Variants in PHLDB2 observed in about 807,000 individuals in gnomAD.
PHLDB2 encodes the protein pleckstrin homology like domain family B member 2.
A neutral mutation model predicts 123.6 loss-of-function variants in PHLDB2; 71 were observed. The ratio of observed to expected loss-of-function variants is 0.57; its 90% CI spans 0.47 to 0.70. The LOEUF (loss-of-function observed/expected upper bound fraction) is 0.70, where lower values mean the gene tolerates loss of function less well. Ranked by LOEUF, PHLDB2 falls within the 30% of genes least tolerant of loss-of-function variation. PHLDB2 has a pLI of 0.00. For synonymous variants in PHLDB2, 547 were observed against 541.6 expected (o/e 1.01, Z -0.14); for missense variants, 1,446 against 1,519.5 (o/e 0.95, Z 0.80).
intron 1 of PHLDB2, among the ~76,000 whole-genome samples, chr3:111,878,829 G>C (rs1043775147): frequency 8.5e-5 from 13 of 152,142 alleles, no homozygotes; most frequent in African/African-American, 3.1e-4. Context: ...TTTATTATTG[G>C]TTCTGATTAT....
At chr3:111,925,443 G>A (rs556342684) in intron 5 of PHLDB2, among the ~76,000 whole-genome samples, 53 of 152,276 alleles carry the variant, frequency 3.5e-4, no homozygotes, top group African/African-American at 1.3e-3. Flanking sequence ...CCTGCCGGTT[G>A]TGTTCTCGGA....
chr3:111,886,725 C>G (rs537643930), intron 2 of PHLDB2, among the ~76,000 whole-genome samples: 1 of 152,264 alleles, frequency 6.6e-6, no homozygotes, highest in East Asian at 1.9e-4. Context: ...TGTGCATACC[C>G]TTAGAGAATT....
intron 1 of PHLDB2, among the ~76,000 whole-genome samples, chr3:111,772,896 A>G (rs1234106647): frequency 6.6e-6 from 1 of 152,128 alleles, no homozygotes; most frequent in East Asian, 1.9e-4. Flanking sequence ...GTGTATGAGG[A>G]ATGCAATTTG....
intron 1 of PHLDB2, among the ~76,000 whole-genome samples, chr3:111,834,477 C>CTCATTT (rs2063309495): frequency 6.7e-6 from 1 of 150,130 alleles, no homozygotes; most frequent in Non-Finnish European, 1.5e-5. Flanking sequence ...CTAGATTTAC[C>CTCATTT]TCATTTTCAT....
chr3:111,966,447 A>G (rs2071761347), intron 13 of PHLDB2, among the ~76,000 whole-genome samples, 166 bp from the exon 14 acceptor site: 1 of 152,044 alleles, frequency 6.6e-6, no homozygotes, highest in Non-Finnish European at 1.5e-5. Flanking sequence ...ACTCGTAAGT[A>G]ACATTCTTTA....
chr3:111,888,724 G>C (rs1256069249), intron 2 of PHLDB2, among the ~76,000 whole-genome samples: 1 of 152,056 alleles, frequency 6.6e-6, no homozygotes, highest in African/African-American at 2.4e-5. Context: ...CATTAACAGG[G>C]TGCTTGTCAT....
At chr3:111,819,999 A>G (rs912433383) in intron 1 of PHLDB2, among the ~76,000 whole-genome samples, 3 of 152,230 alleles carry the variant, frequency 2.0e-5, no homozygotes, top group African/African-American at 7.2e-5. Flanking sequence ...TAGTGTTCAC[A>G]TAGGAAGTCT....
intron 15 of PHLDB2, among the ~76,000 whole-genome samples, chr3:111,968,185 AC>A (rs1559928039): frequency 1.3e-5 from 2 of 152,110 alleles, no homozygotes; most frequent in African/African-American, 2.4e-5. Flanking sequence ...GAAAACAAAT[AC>A]AACATTTGAA....
At chr3:111,878,969 G>T (rs2065800440) in intron 1 of PHLDB2, among the ~76,000 whole-genome samples, 1 of 152,154 alleles carries the variant, frequency 6.6e-6, no homozygotes, top group Non-Finnish European at 1.5e-5. Flanking sequence ...TTTTATTGAA[G>T]ATTTTTGCAT....
intron 1 of PHLDB2, among the ~76,000 whole-genome samples, chr3:111,841,752 T>C (rs907051893): frequency 1.3e-5 from 2 of 152,104 alleles, no homozygotes; most frequent in Middle Eastern, 3.2e-3. Context: ...TTCCACAACA[T>C]TTTTATTATG....
chr3:111,846,037 G>T, intron 2 of PHLDB2: 1 of 1,199,424 alleles, frequency 8.3e-7, no homozygotes, highest in Non-Finnish European at 1.2e-6. Flanking sequence ...ATACCCAGGA[G>T]TCCAGCAATC....
chr3:111,924,732 T>C (rs1177683855), intron 5 of PHLDB2, among the ~76,000 whole-genome samples: 2 of 152,262 alleles, frequency 1.3e-5, no homozygotes, highest in African/African-American at 4.8e-5. Context: ...ATGTTAATAG[T>C]ACATCCTGTA....
intron 1 of PHLDB2, among the ~76,000 whole-genome samples, chr3:111,829,927 A>AACACACACACACAC (rs72357648): frequency 8.1e-5 from 11 of 136,016 alleles, no homozygotes; most frequent in East Asian, 4.3e-4. Flanking sequence ...AACTATTCAA[A>AACACACACACACAC]ACACACACAC....
At position 111,962,337 on chromosome 3, in the gene PHLDB2, T is replaced by G. The variant is rs1232833030; in HGVS notation, c.3077+25T>G. The G allele has an allele frequency of 1.9e-6, 3 of 1,587,962 alleles. No homozygotes were observed. In the African/African-American group the frequency reaches 4.1e-5, roughly 22 times the overall value. On this transcript the variant is annotated intron_variant, in intron 13 of 17. Coordinates refer to ENST00000431670, the MANE Select transcript of PHLDB2 (RefSeq NM_001134438.2). ...GGTAAGATTTATTTATGGGTAAGGT[T>G]TCTGGTTTGGAAAAGAGCCTACTGC...
At chr3:111,937,191 A>AGCTCTTC (rs2069549074) in intron 6 of PHLDB2, among the ~76,000 whole-genome samples, 1 of 152,232 alleles carries the variant, frequency 6.6e-6, no homozygotes, top group East Asian at 1.9e-4. Flanking sequence ...AGTAGCTAAT[A>AGCTCTTC]GCTCTTCTAT....
chr3:111,811,529 A>T (rs2061835520), intron 1 of PHLDB2, among the ~76,000 whole-genome samples: 1 of 152,098 alleles, frequency 6.6e-6, no homozygotes, highest in Non-Finnish European at 1.5e-5. Context: ...CAGGTTTTTA[A>T]CCTGTAGGCC....
chr3:111,769,086 A>G (rs1042496817), intron 1 of PHLDB2, among the ~76,000 whole-genome samples: 5 of 152,224 alleles, frequency 3.3e-5, no homozygotes, highest in Admixed American at 2.6e-4. Flanking sequence ...GTTAGTGAAG[A>G]ACCACATTTA....
At chr3:111,777,268 T>C (rs1262762311) in intron 1 of PHLDB2, among the ~76,000 whole-genome samples, 2 of 152,186 alleles carry the variant, frequency 1.3e-5, no homozygotes, top group South Asian at 2.1e-4. Flanking sequence ...AACAGGTATC[T>C]ATCTCCATTA....
chr3:111,893,094 A>AC (rs141892085), intron 2 of PHLDB2, among the ~76,000 whole-genome samples: 6 of 151,068 alleles, frequency 4.0e-5, no homozygotes, highest in African/African-American at 1.2e-4. Context: ...AGTCCTGACC[A>AC]CCCCCCCAAA....
Sources: gnomAD v4.1 joint callset for allele counts (sites outside exome capture counted in the v4.1 genomes callset) on GRCh38, gnomAD v4.1.1 for gene constraint, MANE v1.5 for transcripts, NCBI Gene and HGNC (gene_info 2026-07-23, HGNC 2026-07-21) for gene names.